ZNF618: variants seen among roughly 807,000 people sequenced by gnomAD.
The protein encoded by ZNF618 is zinc finger protein 618.
Under a neutral mutation model 103.0 loss-of-function variants are expected in ZNF618, and 34 were observed. The observed-to-expected ratio is 0.33, with a 90% CI of 0.25 to 0.44. ZNF618 has a LOEUF of 0.44. Among genes scored for constraint, ZNF618 ranks in the 20% least tolerant of loss-of-function variants. The pLI is 1.00. For missense variants in ZNF618, 1,059 were observed against 1,295.4 expected, an observed-to-expected ratio of 0.82 and a Z score of 2.80; for synonymous variants, 551 against 542.2, an observed-to-expected ratio of 1.02 and a Z score of -0.23.
intron 1 of ZNF618, among the ~76,000 whole-genome samples, chr9:113,952,211 C>T (rs1053189787): frequency 2.0e-5 from 3 of 152,080 alleles, no homozygotes; most frequent in Non-Finnish European, 4.4e-5. Flanking sequence ...GATGGTGGCC[C>T]TTAAATATGG....
rs1846106040 is a variant in ZNF618, at chr9:114,051,093, G to A, written c.*926G>A. On this transcript the variant is annotated 3_prime_UTR_variant, in exon 15 of 15. Transcript: ENST00000374126. ...TTTTAGCAATTTTTACCTTGTTTGG[G>A]GGTTCATTTTGTTTCTTCAGATTTG... 2.0e-5 allele frequency: 3 copies of A among 152,486 alleles called. No homozygotes were observed. The highest frequency in any genetic ancestry group is 4.4e-5 in the Non-Finnish European group (3 of 68,008). The allele number at this position is 152,486 out of a possible 1,614,324, so 9.4% of individuals were successfully genotyped here. A position where few individuals can be genotyped will look rare whatever the true frequency, so the allele number is the denominator to read the frequency against.
intron 10 of ZNF618, among the ~76,000 whole-genome samples, chr9:114,020,507 T>A (rs1013931380): frequency 2.6e-5 from 4 of 152,164 alleles, no homozygotes; most frequent in Admixed American, 6.5e-5. Context: ...CAGTTTGTAC[T>A]TTTCAGAGAA....
Position 114,048,825 on chromosome 9 carries a change from C to G in ZNF618, c.1523C>G (p.Ala508Gly), listed in dbSNP as rs774375590. 1.9e-6 allele frequency: 3 copies of G among 1,612,506 alleles called. No individual in the cohort carries two copies. In the African/African-American group the frequency reaches 4.0e-5, roughly 21 times the overall value. ...GTAGACAGTGGTGCCCGCTATGGGG[C>G]CTTCTCGGTCACTGAAATCCTGGGC... ...TLVDSGARYG[A>G]FSVTEILGNF... Residue 508 changes from alanine (A) to glycine (G), a missense_variant, in exon 15 of 15, where the codon GCC becomes GGC. Coordinates refer to ENST00000374126, the MANE Select transcript of ZNF618 (RefSeq NM_001318042.2).
intron 1 of ZNF618, among the ~76,000 whole-genome samples, chr9:113,879,843 T>C (rs79085030): frequency 0.025 from 3,764 of 152,110 alleles, 168 homozygotes; most frequent in African/African-American, 0.086. Flanking sequence ...TGCTTTATAG[T>C]TTGACTTTGG....
At chr9:114,047,536 C>T (rs1398133749) in intron 13 of ZNF618, among the ~76,000 whole-genome samples, 1 of 152,146 alleles carries the variant, frequency 6.6e-6, no homozygotes, top group African/African-American at 2.4e-5. Context: ...AGCTAGAACT[C>T]TGTGGTTGTG....
chr9:113,887,590 G>A (rs1259839762), intron 1 of ZNF618, among the ~76,000 whole-genome samples: 1 of 152,140 alleles, frequency 6.6e-6, no homozygotes, highest in Non-Finnish European at 1.5e-5. Flanking sequence ...TTGCTAAGTC[G>A]TGTCTGCTTC....
intron 1 of ZNF618, among the ~76,000 whole-genome samples, chr9:113,949,392 C>G (rs77461211): frequency 0.037 from 5,571 of 152,268 alleles, 612 homozygotes; most frequent in East Asian, 0.33. Context: ...CCTCCAGACC[C>G]CTGTCCTCTG....
At chr9:113,923,391 T>A (rs55783530) in intron 1 of ZNF618, among the ~76,000 whole-genome samples, 2,251 of 152,290 alleles carry the variant, frequency 0.015, 46 homozygotes, top group African/African-American at 0.052. Flanking sequence ...GGAAGACATT[T>A]AGTTTCTCTC....
chr9:113,992,234 A>G (rs1034336104), intron 3 of ZNF618, among the ~76,000 whole-genome samples: 8 of 152,136 alleles, frequency 5.3e-5, no homozygotes, highest in South Asian at 2.1e-4. Context: ...CAGTGGAGCT[A>G]TGCATGCTGT....
intron 2 of ZNF618, 75 bp from the exon 3 acceptor site, chr9:113,988,246 G>C (rs890904754): frequency 6.8e-5 from 104 of 1,519,274 alleles, no homozygotes; most frequent in South Asian, 3.9e-5. Context: ...GCATGTCCCT[G>C]TGGTGCCATG....
At chr9:113,926,152 G>T (rs2418258) in intron 1 of ZNF618, among the ~76,000 whole-genome samples, 64,938 of 140,292 alleles carry the variant, frequency 0.46, 14,827 homozygotes, top group Non-Finnish European at 0.53. Context: ...GGTTGGTGTT[G>T]TTTTTTTTTT....
intron 1 of ZNF618, among the ~76,000 whole-genome samples, chr9:113,928,767 G>A (rs763196048): frequency 4.6e-5 from 7 of 152,060 alleles, no homozygotes; most frequent in Non-Finnish European, 1.0e-4. Flanking sequence ...TTTTTGATGT[G>A]GTTAAGTATT....
At chr9:113,926,286 A>G (rs779717010) in intron 1 of ZNF618, among the ~76,000 whole-genome samples, 1 of 151,850 alleles carries the variant, frequency 6.6e-6, no homozygotes, top group Non-Finnish European at 1.5e-5. Context: ...CCTTTTGCAA[A>G]AATATTTCAA....
intron 1 of ZNF618, among the ~76,000 whole-genome samples, chr9:113,938,778 C>T (rs553712592): frequency 8.6e-5 from 13 of 151,904 alleles, no homozygotes; most frequent in Non-Finnish European, 1.9e-4. Context: ...TCATGTTGGC[C>T]AGGCTGGTCT....
chr9:113,908,266 C>CT (rs780283163), intron 1 of ZNF618, among the ~76,000 whole-genome samples: 1 of 151,942 alleles, frequency 6.6e-6, no homozygotes, highest in Non-Finnish European at 1.5e-5. Flanking sequence ...TTTCAAAAGC[C>CT]TTTTTAGCTA....
In ZNF618 at chr9:114,002,083, G is replaced by T; in HGVS notation, c.511+10G>T. 1 of 1,611,586 alleles carries T rather than the reference G, an allele frequency of 6.2e-7. No individual in the cohort carries two copies. Among genetic ancestry groups the T allele is most frequent in the Non-Finnish European group, 8.5e-7 (1 of 1,179,470 alleles). On this transcript the variant is annotated intron_variant, in intron 5 of 14. Transcript: ENST00000374126. ...GTGCGGGCGCACCGAGGTGAGAGGA[G>T]TGTCCCTGGGGCAGAGCCCAGGGGC...
chr9:113,969,054 G>T, intron 1 of ZNF618, 63 bp from the exon 2 acceptor site: 1 of 1,586,142 alleles, frequency 6.3e-7, no homozygotes. Flanking sequence ...TGATGGGGTG[G>T]CAGCAGGTCA....
intron 1 of ZNF618, among the ~76,000 whole-genome samples, chr9:113,909,465 A>G (rs1831303123): frequency 6.6e-6 from 1 of 152,104 alleles, no homozygotes; most frequent in Admixed American, 6.5e-5. Context: ...TTTTCCTGAG[A>G]TTTGTTTAGG....
chr9:113,880,317 G>C (rs1171254653), intron 1 of ZNF618, among the ~76,000 whole-genome samples: 1 of 152,094 alleles, frequency 6.6e-6, no homozygotes, highest in African/African-American at 2.4e-5. Context: ...AGGTCTTGCT[G>C]TGTGACCTTG....
Sources: gnomAD v4.1 joint callset for allele counts (sites outside exome capture counted in the v4.1 genomes callset) on GRCh38, gnomAD v4.1.1 for gene constraint, MANE v1.5 for transcripts, NCBI Gene and HGNC (gene_info 2026-07-23, HGNC 2026-07-21) for gene names.